The following SYT9 variants were observed in gnomAD, a reference collection of about 807,000 sequenced individuals.
SYT9 encodes the protein synaptotagmin-9.
In SYT9, 22 loss-of-function variants were observed where a neutral mutation model predicts 48.4. The ratio of observed to expected loss-of-function variants is 0.45; its 90% CI spans 0.32 to 0.65. The LOEUF (loss-of-function observed/expected upper bound fraction) is 0.65. Among genes scored for constraint, SYT9 ranks in the 30% least tolerant of loss-of-function variants. The pLI is 0.03. For missense variants in SYT9, 577 were observed against 622.0 expected (o/e 0.93, Z 0.77); for synonymous variants, 265 against 245.0 (o/e 1.08, Z -0.76).
At chr11:7,388,717 T>C (rs1850707283) in intron 3 of SYT9, among the ~76,000 whole-genome samples, 1 of 152,204 alleles carries the variant, frequency 6.6e-6, no homozygotes, top group African/African-American at 2.4e-5. Context: ...CATCCTGTTA[T>C]TTATTTTGAC....
intron 6 of SYT9, among the ~76,000 whole-genome samples, chr11:7,442,889 G>A (rs1175017649): frequency 1.3e-5 from 2 of 152,120 alleles, no homozygotes; most frequent in East Asian, 1.9e-4. Flanking sequence ...TGTACCACGC[G>A]ATGTCCAGAC....
intron 6 of SYT9, chr11:7,428,144 A>G (rs916628387): frequency 1.3e-5 from 2 of 152,260 alleles, no homozygotes; most frequent in African/African-American, 2.4e-5. Context: ...GATAGTAATC[A>G]TACAAAACAT....
At chr11:7,281,571 C>T (rs570618928) in intron 1 of SYT9, among the ~76,000 whole-genome samples, 1 of 152,310 alleles carries the variant, frequency 6.6e-6, no homozygotes, top group Admixed American at 6.5e-5. Context: ...GGCAGCCTAG[C>T]TGTGGCCATG....
intron 3 of SYT9, among the ~76,000 whole-genome samples, chr11:7,398,059 A>G (rs1446554307): frequency 6.6e-6 from 1 of 152,166 alleles, no homozygotes; most frequent in Non-Finnish European, 1.5e-5. Flanking sequence ...CTAGGGAGAA[A>G]TTTTCAGTCT....
intron 6 of SYT9, among the ~76,000 whole-genome samples, chr11:7,422,815 G>A (rs1199932214): frequency 2.0e-5 from 3 of 152,182 alleles, no homozygotes; most frequent in Non-Finnish European, 4.4e-5. Context: ...GGCAGTATAT[G>A]CACGTGTTAC....
chr11:7,394,522 C>T (rs1051889068), intron 3 of SYT9, among the ~76,000 whole-genome samples: 15 of 152,128 alleles, frequency 9.9e-5, no homozygotes, highest in African/African-American at 3.4e-4. Context: ...TTCTAGATCC[C>T]TGAGGAATAG....
At chr11:7,343,034 G>C (rs1849740784) in intron 3 of SYT9, among the ~76,000 whole-genome samples, 1 of 152,192 alleles carries the variant, frequency 6.6e-6, no homozygotes, top group Non-Finnish European at 1.5e-5. Context: ...AGGGCACCAA[G>C]TCTTTAGGCT....
At chr11:7,411,451 A>G (rs760730873) in intron 3 of SYT9, among the ~76,000 whole-genome samples, 2 of 151,894 alleles carry the variant, frequency 1.3e-5, no homozygotes, top group Non-Finnish European at 2.9e-5. Flanking sequence ...TTCCCTCAGC[A>G]TTTTCTTCTC....
chr11:7,276,842 T>C (rs1848402813), intron 1 of SYT9, among the ~76,000 whole-genome samples: 1 of 151,784 alleles, frequency 6.6e-6, no homozygotes, highest in African/African-American at 2.4e-5. Flanking sequence ...GGTCAGGTGT[T>C]CGAGACCAGC....
chr11:7,377,145 A>G (rs1850469254), intron 3 of SYT9, among the ~76,000 whole-genome samples: 1 of 150,990 alleles, frequency 6.6e-6, no homozygotes, highest in Non-Finnish European at 1.5e-5. Context: ...TGTAGAGACT[A>G]CTGCTATTCA....
At chr11:7,357,723 C>T (rs577094688) in intron 3 of SYT9, among the ~76,000 whole-genome samples, 23 of 152,206 alleles carry the variant, frequency 1.5e-4, no homozygotes, top group African/African-American at 5.3e-4. Context: ...CTTTCCTCTC[C>T]TCCCTCTTAC....
chr11:7,393,657 A>G (rs945073387), intron 3 of SYT9, among the ~76,000 whole-genome samples: 1 of 152,100 alleles, frequency 6.6e-6, no homozygotes. Context: ...TAGTTTCTGA[A>G]GGACTGCCTC....
chr11:7,292,977 A>C (rs1190643017), intron 1 of SYT9, among the ~76,000 whole-genome samples: 1 of 152,188 alleles, frequency 6.6e-6, no homozygotes, highest in Non-Finnish European at 1.5e-5. Flanking sequence ...TTATGGACAC[A>C]AGAACTTAAA....
rs1297652017 is a variant in SYT9 at position 7,432,583 on chromosome 11, ATATATATACATATATATAT to A, written c.1467+11949_1467+11967del. Among the ~76,000 whole-genome samples the A allele has an allele frequency of 3.8e-3, 11 of 2,904 alleles. 1 individual carries two copies. The highest frequency in any genetic ancestry group is 0.01 in the East Asian group (1 of 98). 1.9% of individuals were successfully genotyped at this position (2,904 alleles called of 152,430 possible). On this transcript the variant is annotated intron_variant, in intron 6 of 6. Coordinates refer to ENST00000318881, the MANE Select transcript of SYT9 (RefSeq NM_175733.4). ...AAAAAAAAAAAAAAAAAAAAAAAAAATATATATACATATATATATATATATATATATATATATATATATA... is the reference window on the plus strand; with the variant it reads ...AAAAAAAAAAAAAAAAAAAAAAAAAAATATATATATATATATATATATATA...
At chr11:7,412,901 A>C (rs1379254595) in intron 3 of SYT9, among the ~76,000 whole-genome samples, 1 of 152,204 alleles carries the variant, frequency 6.6e-6, no homozygotes, top group Non-Finnish European at 1.5e-5. Flanking sequence ...GGAAGAGTGC[A>C]CATGTGCCAA....
rs1368815839 is a variant in SYT9 at position 7,251,907 on chromosome 11, C to G, written c.-280C>G. Reference sequence around the variant, plus strand: ...GGCGGAGCGCAAGCAGAGAGGCGCTCTGGGCTGTGCGGCACCGCCTCTCCT... The same window carrying G: ...GGCGGAGCGCAAGCAGAGAGGCGCTGTGGGCTGTGCGGCACCGCCTCTCCT... On this transcript the variant is annotated 5_prime_UTR_variant, in exon 1 of 7. Transcript: ENST00000318881. 1.2e-5 allele frequency: 4 copies of G among 347,726 alleles called. No individual in the cohort carries two copies. Among genetic ancestry groups the G allele is most frequent in the Middle Eastern group, 7.7e-4 (1 of 1,294 alleles). The allele number at this position is 347,726 out of a possible 1,614,324, so 21.5% of individuals were successfully genotyped here.
intron 1 of SYT9, among the ~76,000 whole-genome samples, chr11:7,288,251 G>A (rs1391388107): frequency 6.7e-6 from 1 of 149,654 alleles, no homozygotes; most frequent in Admixed American, 6.7e-5. Flanking sequence ...CCTGGCTATT[G>A]TTGGTATTTG....
chr11:7,269,431 G>A (rs1848255253), intron 1 of SYT9, among the ~76,000 whole-genome samples: 1 of 152,090 alleles, frequency 6.6e-6, no homozygotes, highest in South Asian at 2.1e-4. Context: ...TAGACACAGA[G>A]GTAAATTTTT....
intron 6 of SYT9, among the ~76,000 whole-genome samples, chr11:7,466,519 G>A (rs577175277): frequency 1.3e-5 from 2 of 152,062 alleles, no homozygotes; most frequent in South Asian, 4.2e-4. Context: ...TCAGGAGTTC[G>A]AGCCCAGCCT....
Sources: allele counts gnomAD v4.1 joint callset (sites outside exome capture counted in the v4.1 genomes callset), GRCh38; gene constraint gnomAD v4.1.1; transcripts MANE v1.5; gene names NCBI Gene and HGNC (gene_info 2026-07-23, HGNC 2026-07-21).